ASCL4: variants seen among roughly 807,000 people sequenced by gnomAD.
ASCL4 encodes achaete-scute homolog 4.
A neutral mutation model predicts 0.3 loss-of-function variants in ASCL4; 1 was observed. The observed-to-expected ratio is 3.35, with a 90% CI of 1.19 to 15.89. The LOEUF (loss-of-function observed/expected upper bound fraction) is 15.89, where lower values mean the gene tolerates loss of function less well. ASCL4 is among the 30% of genes most tolerant of loss of function. The pLI is 0.12. For missense variants in ASCL4, 330 were observed against 256.9 expected (o/e 1.28, Z -1.94); for synonymous variants, 137 against 119.5 (o/e 1.15, Z -0.96).
At position 107,775,657 on chromosome 12, in the gene ASCL4, G is replaced by A; in HGVS notation, c.439G>A (p.Ala147Thr). Residue 147 changes from alanine to threonine, a missense_variant, in exon 1 of 1, where the codon GCG (alanine) becomes ACG (threonine). Physicochemically the swap from Ala to Thr is moderately conservative, Grantham distance 58. Coordinates refer to ENST00000342331, the MANE Select transcript of ASCL4 (RefSeq NM_203436.3). ...GAAGAVPQRR[A>T]ECNSDGESKA... ...GGCCGGCGCCGTCCCCCAGCGCAGGGCGGAATGCAACAGCGACGGGGAGTC... is the reference window on the plus strand; with the variant it reads ...GGCCGGCGCCGTCCCCCAGCGCAGGACGGAATGCAACAGCGACGGGGAGTC... The A allele has an allele frequency of 6.5e-7, 1 of 1,540,528 alleles. No homozygotes were observed. Among genetic ancestry groups the A allele is most frequent in the Non-Finnish European group, 8.7e-7 (1 of 1,154,416 alleles).
At position 107,774,993 on chromosome 12, in the gene ASCL4, C is replaced by T. The variant is rs1891434136; in HGVS notation, c.-226C>T. 1.8e-6 allele frequency: 1 copy of T among 563,216 alleles called. No homozygotes were observed. Among genetic ancestry groups the T allele is most frequent in the Non-Finnish European group, 3.1e-6 (1 of 326,222 alleles). The allele number at this position is 563,216 out of a possible 1,614,324, so 34.9% of individuals were successfully genotyped here. ...GATCCTACGTCTTTGCCTACCACCTCTGCCTAAATCATAAAAAGATCGAGG... is the reference window on the plus strand; with the variant it reads ...GATCCTACGTCTTTGCCTACCACCTTTGCCTAAATCATAAAAAGATCGAGG... On this transcript the variant is annotated 5_prime_UTR_variant, in exon 1 of 1. Transcript: ENST00000342331.
rs1340409156 is a variant in ASCL4, at chr12:107,775,401, G to A, written c.183G>A (p.Leu61=). The change falls in exon 1 of 1, where the codon TTG becomes TTA. Residue 61 remains leucine (L), a synonymous_variant. Transcript: ENST00000342331. The part of the protein sequence containing the change: ...RSGCARGWQY[L]PVPLDSAFEP... The stretch of plus-strand genomic sequence containing the variant: ...GCTGCGCACGGGGATGGCAGTACTT[G>A]CCCGTGCCGCTGGACAGCGCCTTCG... 6.3e-7 allele frequency: 1 copy of A among 1,592,376 alleles called. No homozygotes were observed. The highest frequency in any genetic ancestry group is 8.5e-7 in the Non-Finnish European group (1 of 1,172,672).
chr12:107,775,365 G>A lies in ASCL4; in HGVS notation c.147G>A (p.Trp49Ter). 3 of 1,604,850 alleles carry A rather than the reference G, an allele frequency of 1.9e-6. No homozygotes were observed. Among genetic ancestry groups the A allele is most frequent in the Non-Finnish European group, 2.6e-6 (3 of 1,176,182 alleles). Reference protein sequence around the residue: ...ALRLDAACWEWARSGCARGWQ... With the variant: ...ALRLDAACWE ...GTCTGGACGCCGCGTGCTGGGAGTG[G>A]GCGCGCAGCGGCTGCGCACGGGGAT... is the stretch of plus-strand genomic sequence containing the variant. Residue 49 changes from tryptophan to a stop codon, truncating the protein, a stop_gained, in exon 1 of 1, where the codon TGG becomes TGA. Coordinates refer to ENST00000342331, the MANE Select transcript of ASCL4 (RefSeq NM_203436.3). LOFTEE classifies it low-confidence loss of function (END_TRUNC).
Position 107,775,412 on chromosome 12 carries a change from T to G in ASCL4, c.194T>G (p.Leu65Arg), listed in dbSNP as rs1891443091. 6.3e-7 allele frequency: 1 copy of G among 1,584,386 alleles called. No homozygotes were observed. The highest frequency in any genetic ancestry group is 8.5e-7 in the Non-Finnish European group (1 of 1,169,954). Residue 65 changes from leucine to arginine, a missense_variant, in exon 1 of 1, where the codon CTG (leucine) becomes CGG (arginine). Transcript: ENST00000342331. ...GGATGGCAGTACTTGCCCGTGCCGC[T>G]GGACAGCGCCTTCGAGCCCGCCTTC... Reference protein sequence around the residue: ...ARGWQYLPVPLDSAFEPAFLR... With the variant: ...ARGWQYLPVPRDSAFEPAFLR...
rs1207093086 is a variant in ASCL4 at position 107,775,260 on chromosome 12, C to G, written c.42C>G (p.Tyr14Ter). The change falls in exon 1 of 1, where the codon TAC (tyrosine) becomes TAG (stop). Residue 14 changes from tyrosine (Y) to a stop codon, truncating the protein, a stop_gained. Transcript: ENST00000342331. LOFTEE classifies it low-confidence loss of function (END_TRUNC). The part of the protein sequence containing the change: ...RKPAERLALP[Y>*]SLRTAPLGVP... The stretch of plus-strand genomic sequence containing the variant: ...CGGCGGAACGGCTGGCCTTGCCATA[C>G]TCGCTGCGCACCGCGCCCCTGGGCG... The G allele has an allele frequency of 5.6e-6, 9 of 1,612,936 alleles. No homozygotes were observed. The East Asian group carries it at 2.0e-4, about 36-fold the overall frequency.
Position 107,775,463 on chromosome 12 carries a change from G to T in ASCL4, c.245G>T (p.Arg82Leu), listed in dbSNP as rs770744560. ...AFLRKRNERE[R>L]QRVRCVNEGY... ...CTCCGCAAGCGCAACGAGCGCGAGCGGCAGCGGGTGCGCTGCGTGAACGAG... is the reference window on the plus strand; with the variant it reads ...CTCCGCAAGCGCAACGAGCGCGAGCTGCAGCGGGTGCGCTGCGTGAACGAG... Residue 82 changes from arginine (R) to leucine (L), a missense_variant, in exon 1 of 1, where the codon CGG becomes CTG. Transcript: ENST00000342331. The T allele has an allele frequency of 5.7e-6, 9 of 1,566,352 alleles. No homozygotes were observed. Among genetic ancestry groups the T allele is most frequent in the African/African-American group, 4.1e-5 (3 of 74,044 alleles).
chr12:107,774,836 T>G lies in ASCL4; in HGVS notation c.-383T>G. ...GGTGGATTACAGGCATTGAAAAGCT[T>G]TTGGTGGCTTTGGAAGATGACTCTG... is the stretch of plus-strand genomic sequence containing the variant. On this transcript the variant is annotated 5_prime_UTR_variant, in exon 1 of 1. Transcript: ENST00000342331. The G allele has an allele frequency of 1.5e-5, 3 of 195,352 alleles. No individual in the cohort carries two copies. The highest frequency in any genetic ancestry group is 2.1e-5 in the Non-Finnish European group (2 of 96,626). The allele number at this position is 195,352 out of a possible 1,614,324, so 12.1% of individuals were successfully genotyped here.
At position 107,774,880 on chromosome 12, in the gene ASCL4, A is replaced by T; in HGVS notation, c.-339A>T. 1 of 302,400 alleles carries T rather than the reference A, an allele frequency of 3.3e-6. No individual in the cohort carries two copies. Among genetic ancestry groups the T allele is most frequent in the Non-Finnish European group, 6.1e-6 (1 of 163,888 alleles). 18.7% of individuals were successfully genotyped at this position (302,400 alleles called of 1,614,324 possible). A position where few individuals can be genotyped will look rare whatever the true frequency, so the allele number is the denominator to read the frequency against. ...GACTCTGGTGTGAGCTCACCTTTCC[A>T]GGCTGGGGGACCAGGCAGAGGAACC... On this transcript the variant is annotated 5_prime_UTR_variant, in exon 1 of 1. Transcript: ENST00000342331.
chr12:107,775,187 T>A lies in ASCL4; in HGVS notation c.-32T>A, dbSNP rs755622681. 2.5e-5 allele frequency: 40 copies of A among 1,603,818 alleles called. No individual in the cohort carries two copies. The highest frequency in any genetic ancestry group is 3.2e-5 in the Non-Finnish European group (38 of 1,174,574). ...GTCTTCTTCTATTGAGAGATTGACC[T>A]CTTGAGTGATTTGTGTGCTTTCCGG... On this transcript the variant is annotated 5_prime_UTR_variant, in exon 1 of 1. Coordinates refer to ENST00000342331, the MANE Select transcript of ASCL4 (RefSeq NM_203436.3).
chr12:107,775,904 T>C lies in ASCL4; in HGVS notation c.*167T>C. On this transcript the variant is annotated 3_prime_UTR_variant, in exon 1 of 1. Coordinates refer to ENST00000342331, the MANE Select transcript of ASCL4 (RefSeq NM_203436.3). ...TGCTGGGGTTTGGGGGATGGGGGAG[T>C]TGTTTTGACATTTGGGAATTTCTCC... 1.2e-6 allele frequency: 1 copy of C among 817,048 alleles called. No individual in the cohort carries two copies. The highest frequency in any genetic ancestry group is 1.7e-6 in the Non-Finnish European group (1 of 582,704). The allele number at this position is 817,048 out of a possible 1,614,324, so 50.6% of individuals were successfully genotyped here. A position where few individuals can be genotyped will look rare whatever the true frequency, so the allele number is the denominator to read the frequency against.
chr12:107,775,225 AC>A lies in ASCL4; in HGVS notation c.8del (p.Thr3SerfsTer86). 2 of 1,610,576 alleles carry A rather than the reference AC, an allele frequency of 1.2e-6. No homozygotes were observed. Among genetic ancestry groups the A allele is most frequent in the Non-Finnish European group, 1.7e-6 (2 of 1,178,376 alleles). ME[T>X]RKPAERLALP... is the part of the protein sequence containing the mutation. ...GTGTGCTTTCCGGCAAATGATGGAGACGCGTAAACCGGCGGAACGGCTGGCC... is the reference window on the plus strand; with the variant it reads ...GTGTGCTTTCCGGCAAATGATGGAGAGCGTAAACCGGCGGAACGGCTGGCC... On this transcript the variant is annotated frameshift_variant, in exon 1 of 1. Coordinates refer to ENST00000342331, the MANE Select transcript of ASCL4 (RefSeq NM_203436.3). LOFTEE classifies it low-confidence loss of function (END_TRUNC).
Position 107,775,050 on chromosome 12 carries a change from T to C in ASCL4, c.-169T>C, listed in dbSNP as rs759600083. ...ATGAACTTCAGGAATCATGCACCGTTTCCCTGAAGCCTGTCCAGGAACCTA... is the reference window on the plus strand; with the variant it reads ...ATGAACTTCAGGAATCATGCACCGTCTCCCTGAAGCCTGTCCAGGAACCTA... On this transcript the variant is annotated 5_prime_UTR_variant, in exon 1 of 1. Coordinates refer to ENST00000342331, the MANE Select transcript of ASCL4 (RefSeq NM_203436.3). 8.8e-5 allele frequency: 68 copies of C among 771,518 alleles called. No individual in the cohort carries two copies. The highest frequency in any genetic ancestry group is 3.1e-5 in the Admixed American group (1 of 32,614). The allele number at this position is 771,518 out of a possible 1,614,324, so 47.8% of individuals were successfully genotyped here. A position where few individuals can be genotyped will look rare whatever the true frequency, so the allele number is the denominator to read the frequency against.
rs778012587 is a variant in ASCL4, at chr12:107,775,291, G to C, written c.73G>C (p.Gly25Arg). 8 of 1,612,050 alleles carry C rather than the reference G, an allele frequency of 5.0e-6. No individual in the cohort carries two copies. The African/African-American group carries it at 9.4e-5, about 19-fold the overall frequency. Residue 25 changes from glycine to arginine, a missense_variant, in exon 1 of 1, where the codon GGG becomes CGG. Coordinates refer to ENST00000342331, the MANE Select transcript of ASCL4 (RefSeq NM_203436.3). ...GCGCACCGCGCCCCTGGGCGTTCCG[G>C]GGACCCTGCCCGGACTCCCGCGGAG... Reference protein sequence around the residue: ...SLRTAPLGVPGTLPGLPRRDP... With the variant: ...SLRTAPLGVPRTLPGLPRRDP...
At position 107,776,024 on chromosome 12, in the gene ASCL4, A is replaced by G; in HGVS notation, c.*287A>G. ...AAAATGCAAACTGTTTCAGATTCTG[A>G]GCACCTCATTGTAAATACGATTATT... On this transcript the variant is annotated 3_prime_UTR_variant, in exon 1 of 1. Coordinates refer to ENST00000342331, the MANE Select transcript of ASCL4 (RefSeq NM_203436.3). 2.9e-6 allele frequency: 1 copy of G among 343,538 alleles called. No homozygotes were observed. Among genetic ancestry groups the G allele is most frequent in the Non-Finnish European group, 5.5e-6 (1 of 183,160 alleles). The allele number at this position is 343,538 out of a possible 1,614,324, so 21.3% of individuals were successfully genotyped here. A position where few individuals can be genotyped will look rare whatever the true frequency, so the allele number is the denominator to read the frequency against.
rs747174285 is a variant in ASCL4, at chr12:107,775,208, T to C, written c.-11T>C. The C allele has an allele frequency of 2.5e-6, 4 of 1,609,474 alleles. No homozygotes were observed. The South Asian group carries it at 4.4e-5, about 18-fold the overall frequency. Reference sequence around the variant, plus strand: ...GACCTCTTGAGTGATTTGTGTGCTTTCCGGCAAATGATGGAGACGCGTAAA... The same window carrying C: ...GACCTCTTGAGTGATTTGTGTGCTTCCCGGCAAATGATGGAGACGCGTAAA... On this transcript the variant is annotated 5_prime_UTR_variant, in exon 1 of 1. Coordinates refer to ENST00000342331, the MANE Select transcript of ASCL4 (RefSeq NM_203436.3).
chr12:107,775,600 C>T lies in ASCL4; in HGVS notation c.382C>T (p.Leu128=). ...IDYIKHLQEL[L]ERQAWGLEGA... ...CTACATCAAGCACCTGCAGGAGCTG[C>T]TGGAGCGCCAGGCCTGGGGGCTCGA... is the stretch of plus-strand genomic sequence containing the variant. The change falls in exon 1 of 1, where the codon CTG becomes TTG. Residue 128 remains leucine, a synonymous_variant. Transcript: ENST00000342331. The T allele has an allele frequency of 1.3e-6, 2 of 1,577,578 alleles. No homozygotes were observed. The highest frequency in any genetic ancestry group is 1.7e-6 in the Non-Finnish European group (2 of 1,170,434).
At position 107,775,392 on chromosome 12, in the gene ASCL4, G is replaced by C; in HGVS notation, c.174G>C (p.Trp58Cys). The change falls in exon 1 of 1, where the codon TGG (tryptophan) becomes TGC (cysteine). Residue 58 changes from tryptophan (W) to cysteine (C), a missense_variant. Physicochemically the swap from Trp to Cys is radical, Grantham distance 215. Coordinates refer to ENST00000342331, the MANE Select transcript of ASCL4 (RefSeq NM_203436.3). ...CGCGCAGCGGCTGCGCACGGGGATG[G>C]CAGTACTTGCCCGTGCCGCTGGACA... ...EWARSGCARG[W>C]QYLPVPLDSA... 1 of 1,597,218 alleles carries C rather than the reference G, an allele frequency of 6.3e-7. No individual in the cohort carries two copies. Among genetic ancestry groups the C allele is most frequent in the South Asian group, 1.1e-5 (1 of 90,278 alleles).
chr12:107,775,853 C>T lies in ASCL4; in HGVS notation c.*116C>T, dbSNP rs564708251. On this transcript the variant is annotated 3_prime_UTR_variant, in exon 1 of 1. Coordinates refer to ENST00000342331, the MANE Select transcript of ASCL4 (RefSeq NM_203436.3). ...TTCTTAATCTGGCATCTTCTCCAGG[C>T]CTAAATCTTAAGAAAAAGAAATGGG... The T allele has an allele frequency of 1.1e-3, 1,278 of 1,210,272 alleles. 1 individual carries two copies. The highest frequency in any genetic ancestry group is 1.2e-3 in the Non-Finnish European group (1,151 of 929,548). 75.0% of individuals were successfully genotyped at this position (1,210,272 alleles called of 1,614,324 possible).
chr12:107,776,016 A>C lies in ASCL4; in HGVS notation c.*279A>C, dbSNP rs1048634961. ...ATACTTCTAAAATGCAAACTGTTTC[A>C]GATTCTGAGCACCTCATTGTAAATA... On this transcript the variant is annotated 3_prime_UTR_variant, in exon 1 of 1. Coordinates refer to ENST00000342331, the MANE Select transcript of ASCL4 (RefSeq NM_203436.3). 2.8e-6 allele frequency: 1 copy of C among 357,352 alleles called. No individual in the cohort carries two copies. Among genetic ancestry groups the C allele is most frequent in the South Asian group, 1.5e-4 (1 of 6,852 alleles). 22.1% of individuals were successfully genotyped at this position (357,352 alleles called of 1,614,324 possible). A position where few individuals can be genotyped will look rare whatever the true frequency, so the allele number is the denominator to read the frequency against.
Sources: allele counts gnomAD v4.1 joint callset, GRCh38; gene constraint gnomAD v4.1.1; transcripts MANE v1.5; gene names NCBI Gene and HGNC (gene_info 2026-07-23, HGNC 2026-07-21).